WDFY2: variants seen among roughly 807,000 people sequenced by gnomAD.
WDFY2 encodes the protein WD repeat and FYVE domain containing 2.
In WDFY2, 36 loss-of-function variants were observed where a neutral mutation model predicts 56.4. That is an observed-to-expected ratio of 0.64 (90% CI 0.49 to 0.84). WDFY2 has a LOEUF of 0.84. Among genes scored for constraint, WDFY2 ranks in the 40% least tolerant of loss-of-function variants. The pLI, the probability that WDFY2 is intolerant of heterozygous loss-of-function variation, is 0.00. For missense variants in WDFY2, 444 were observed against 512.2 expected, an observed-to-expected ratio of 0.87 and a Z score of 1.29; for synonymous variants, 176 against 183.7, an observed-to-expected ratio of 0.96 and a Z score of 0.34.
intron 1 of WDFY2, among the ~76,000 whole-genome samples, chr13:51,644,609 G>A (rs564150428): frequency 6.6e-6 from 1 of 152,288 alleles, no homozygotes; most frequent in East Asian, 1.9e-4. Flanking sequence ...GAATGGCGGT[G>A]AGTGTTTTGA....
chr13:51,724,600 A>G (rs979655416), intron 5 of WDFY2, among the ~76,000 whole-genome samples: 19 of 152,186 alleles, frequency 1.2e-4, no homozygotes, highest in Admixed American at 6.5e-5. Context: ...AATTGAGCAG[A>G]AAGTATAGAG....
At chr13:51,585,033 C>A (rs571281702) in intron 1 of WDFY2, among the ~76,000 whole-genome samples, 2 of 152,240 alleles carry the variant, frequency 1.3e-5, no homozygotes, top group South Asian at 2.1e-4. Flanking sequence ...CGGCGGCGAG[C>A]GCTCCGGCTT....
At chr13:51,598,147 T>G (rs1264267093) in intron 1 of WDFY2, among the ~76,000 whole-genome samples, 4 of 151,986 alleles carry the variant, frequency 2.6e-5, no homozygotes, top group Non-Finnish European at 5.9e-5. Context: ...ATCACCTGAG[T>G]TCAGGAGTTC....
intron 4 of WDFY2, among the ~76,000 whole-genome samples, chr13:51,715,242 CTTT>C (rs1451166371): frequency 6.6e-6 from 1 of 152,118 alleles, no homozygotes; most frequent in Admixed American, 6.5e-5. Flanking sequence ...ACTTTATAAA[CTTT>C]TTAATTTTTT....
chr13:51,613,682 A>C (rs560179022), intron 1 of WDFY2, among the ~76,000 whole-genome samples: 1 of 149,910 alleles, frequency 6.7e-6, no homozygotes, highest in Non-Finnish European at 1.5e-5. Context: ...CTTAGCTGTG[A>C]TTTTTTTTTT....
At chr13:51,718,405 C>T (rs938428097) in intron 4 of WDFY2, among the ~76,000 whole-genome samples, 6 of 152,182 alleles carry the variant, frequency 3.9e-5, no homozygotes, top group African/African-American at 1.4e-4. Flanking sequence ...TACTCCACCT[C>T]ATTGTGCCTC....
chr13:51,724,759 T>C (rs867529660), intron 5 of WDFY2, among the ~76,000 whole-genome samples: 1 of 152,204 alleles, frequency 6.6e-6, no homozygotes, highest in Non-Finnish European at 1.5e-5. Flanking sequence ...ACTCTTGGTG[T>C]TGTACATTCT....
At chr13:51,686,333 CAGTA>C (rs747599947) in intron 3 of WDFY2, among the ~76,000 whole-genome samples, 6 of 152,072 alleles carry the variant, frequency 3.9e-5, no homozygotes, top group Non-Finnish European at 7.4e-5. Flanking sequence ...TCTTGGCACT[CAGTA>C]AGCCCTCAGA....
At chr13:51,622,033 A>G (rs1954739462) in intron 1 of WDFY2, among the ~76,000 whole-genome samples, 2 of 152,150 alleles carry the variant, frequency 1.3e-5, no homozygotes, top group Admixed American at 1.3e-4. Context: ...GAGGCGGGAA[A>G]GATGGATTGT....
intron 4 of WDFY2, among the ~76,000 whole-genome samples, chr13:51,711,121 C>T (rs542406316): frequency 2.0e-4 from 28 of 140,418 alleles, no homozygotes; most frequent in Admixed American, 9.1e-4. Flanking sequence ...ATAGAGCCCT[C>T]GGAAATAATA....
chr13:51,706,769 C>G (rs1020898179), intron 4 of WDFY2, among the ~76,000 whole-genome samples: 5 of 152,124 alleles, frequency 3.3e-5, no homozygotes, highest in Non-Finnish European at 7.3e-5. Flanking sequence ...TTCACAAAGG[C>G]CCTACAACAA....
chr13:51,700,008 G>A (rs531377130), intron 3 of WDFY2, among the ~76,000 whole-genome samples: 3 of 152,300 alleles, frequency 2.0e-5, no homozygotes, highest in South Asian at 2.1e-4. Flanking sequence ...TTAGAACTAC[G>A]TGCTTCTGGA....
chr13:51,709,485 A>T (rs1952161106), intron 4 of WDFY2, among the ~76,000 whole-genome samples: 1 of 152,140 alleles, frequency 6.6e-6, no homozygotes. Context: ...CTATTTAAAA[A>T]ATTGAAAAAT....
At chr13:51,669,491 A>G (rs1955770642) in intron 2 of WDFY2, among the ~76,000 whole-genome samples, 1 of 152,072 alleles carries the variant, frequency 6.6e-6, no homozygotes, top group Admixed American at 6.6e-5. Flanking sequence ...AGTTTTTTTT[A>G]TCTTATTTGT....
chr13:51,614,709 A>T (rs1024893282), intron 1 of WDFY2, among the ~76,000 whole-genome samples: 27 of 152,154 alleles, frequency 1.8e-4, no homozygotes, highest in Admixed American at 1.8e-3. Flanking sequence ...ATTAACCAAA[A>T]CTGTGTCACA....
chr13:51,593,157 C>G (rs760853656), intron 1 of WDFY2, among the ~76,000 whole-genome samples: 34 of 152,232 alleles, frequency 2.2e-4, no homozygotes, highest in South Asian at 4.1e-4. Flanking sequence ...TAGATTTTAA[C>G]CATCATTTTA....
chr13:51,689,327 C>A (rs1470347677), intron 3 of WDFY2, among the ~76,000 whole-genome samples: 5 of 152,056 alleles, frequency 3.3e-5, no homozygotes, highest in Non-Finnish European at 5.9e-5. Flanking sequence ...CCAAACAGTT[C>A]GTGTGTGGAG....
At chr13:51,633,139 C>G (rs1954985416) in intron 1 of WDFY2, among the ~76,000 whole-genome samples, 1 of 152,182 alleles carries the variant, frequency 6.6e-6, no homozygotes, top group African/African-American at 2.4e-5. Context: ...GGTAGTTTCC[C>G]TTCCCCCTGA....
At position 51,763,315 on chromosome 13, in the gene WDFY2, G is replaced by A. The variant is rs1490619608; in HGVS notation, c.*3546G>A. 6.6e-6 allele frequency: 1 copy of A among 152,080 alleles called. No homozygotes were observed. Among genetic ancestry groups the A allele is most frequent in the South Asian group, 2.1e-4 (1 of 4,828 alleles). 9.4% of individuals were successfully genotyped at this position (152,080 alleles called of 1,614,324 possible). A position where few individuals can be genotyped will look rare whatever the true frequency, so the allele number is the denominator to read the frequency against. The stretch of plus-strand genomic sequence containing the variant: ...GTTTTTTTGGCTCCGGCCCTGTGGT[G>A]GGGGAGGTAATTATTGCCTTCATCC... On this transcript the variant is annotated 3_prime_UTR_variant, in exon 12 of 12. Coordinates refer to ENST00000298125, the MANE Select transcript of WDFY2 (RefSeq NM_052950.4).
Sources: gnomAD v4.1 joint callset for allele counts (sites outside exome capture counted in the v4.1 genomes callset) on GRCh38, gnomAD v4.1.1 for gene constraint, MANE v1.5 for transcripts, NCBI Gene and HGNC (gene_info 2026-07-23, HGNC 2026-07-21) for gene names.